Variants in NAA11 observed in about 807,000 individuals in gnomAD.
The protein encoded by NAA11 is N-alpha-acetyltransferase 11, NatA catalytic subunit, also known as N-alpha-acetyltransferase 11.
A neutral mutation model predicts 16.1 loss-of-function variants in NAA11; 15 were observed. The observed-to-expected ratio is 0.93, with a 90% CI of 0.62 to 1.44. NAA11 has a LOEUF of 1.44. Among genes scored for constraint, NAA11 ranks in the 40% most tolerant of loss-of-function variants. The pLI is 0.00. For missense variants in NAA11, 298 were observed against 291.3 expected, an observed-to-expected ratio of 1.02 and a Z score of -0.17; for synonymous variants, 122 against 112.4, an observed-to-expected ratio of 1.09 and a Z score of -0.54.
chr4:79,305,737 T>G (rs1358878387), intron 1 of NAA11, among the ~76,000 whole-genome samples: 2 of 152,200 alleles, frequency 1.3e-5, no homozygotes, highest in Non-Finnish European at 2.9e-5. Context: ...AGCTTTCTCC[T>G]CTTTAATAAG....
chr4:79,210,266 G>T, the NAA11 span, among the ~76,000 whole-genome samples: 1 of 152,118 alleles, frequency 6.6e-6, no homozygotes, highest in Admixed American at 6.5e-5. Flanking sequence ...GGGCGGGGAA[G>T]AATGTCACAA....
the NAA11 span, among the ~76,000 whole-genome samples, chr4:79,217,011 G>C: frequency 6.6e-6 from 1 of 152,330 alleles, no homozygotes; most frequent in South Asian, 2.1e-4. Context: ...ATTAATGACA[G>C]AAAGTTATTT....
downstream of NAA11, among the ~76,000 whole-genome samples, chr4:79,313,841 G>T (rs181360266): frequency 1.8e-4 from 28 of 152,306 alleles, no homozygotes; most frequent in Admixed American, 4.6e-4. Flanking sequence ...ATGGTGATGG[G>T]ATATGAGGAG....
intron 2 of NAA11, among the ~76,000 whole-genome samples, chr4:79,239,284 G>A (rs937971778): frequency 7.9e-5 from 12 of 152,172 alleles, no homozygotes; most frequent in Admixed American, 6.5e-5. Context: ...TGCCTTAAGC[G>A]AGAGATAGCC....
chr4:79,182,842 A>G, the NAA11 span, among the ~76,000 whole-genome samples: 2 of 152,118 alleles, frequency 1.3e-5, no homozygotes, highest in African/African-American at 4.8e-5. Context: ...CTATACTATA[A>G]TCATTTTATT....
chr4:79,249,037 C>T (rs1236520741), intron 2 of NAA11, among the ~76,000 whole-genome samples: 2 of 152,182 alleles, frequency 1.3e-5, no homozygotes, highest in Admixed American at 1.3e-4. Context: ...GGCCAGAGAA[C>T]AAAGCAGGGA....
chr4:79,265,184 T>C lies in NAA11; in HGVS notation c.*122+28821A>G, dbSNP rs1455366158. ...ATTTATCAACAAATCCTATTGGCTT[T>C]ACCTTCAAATCATATTTCAAGTCTC... On this transcript the variant is annotated intron_variant and NMD_transcript_variant, in intron 2 of 2. Coordinates refer to the NAA11 transcript ENST00000511542. Among the ~76,000 whole-genome samples the C allele has an allele frequency of 3.9e-4, 60 of 152,212 alleles. 1 individual carries two copies. The highest frequency in any genetic ancestry group is 2.9e-5 in the Non-Finnish European group (2 of 68,036).
At chr4:79,246,376 C>CT (rs1396080685) in intron 2 of NAA11, among the ~76,000 whole-genome samples, 4 of 114,190 alleles carry the variant, frequency 3.5e-5, no homozygotes, top group African/African-American at 1.5e-4. Context: ...TCAATAAATA[C>CT]TAAAAAAAAA....
At chr4:79,206,352 G>C in the NAA11 span, among the ~76,000 whole-genome samples, 1 of 151,960 alleles carries the variant, frequency 6.6e-6, no homozygotes, top group East Asian at 1.9e-4. Context: ...AAAAAGTAAA[G>C]TAGAGGTTCT....
Position 79,309,443 on chromosome 4 carries a change from AATC to A in NAA11, c.*13-15332_*13-15330del, listed in dbSNP as rs1453435025. 2.6e-5 allele frequency among the ~76,000 whole-genome samples: 4 copies of A among 152,284 alleles called. No homozygotes were observed. The East Asian group carries it at 7.7e-4, about 29-fold the overall frequency. On this transcript the variant is annotated intron_variant and NMD_transcript_variant, in intron 1 of 2. Transcript: ENST00000511542. ...TTGCAATGCTCAGGATTTCCCTGGT[AATC>A]ATCATGTTTGCTTATTGTTTGCTAT...
chr4:79,156,233 TGGA>T, the NAA11 span, among the ~76,000 whole-genome samples: 1 of 152,030 alleles, frequency 6.6e-6, no homozygotes, highest in Non-Finnish European at 1.5e-5. Flanking sequence ...CTGAAATTGG[TGGA>T]GATGTCAAAA....
chr4:79,175,820 A>C, the NAA11 span, among the ~76,000 whole-genome samples: 1 of 150,844 alleles, frequency 6.6e-6, no homozygotes, highest in African/African-American at 2.4e-5. Flanking sequence ...GCTCCTTTTT[A>C]TACATCTAAT....
chr4:79,226,649 A>AT (rs1721323064), intron 2 of NAA11, among the ~76,000 whole-genome samples: 2 of 139,508 alleles, frequency 1.4e-5, no homozygotes, highest in East Asian at 2.2e-4. Context: ...TCATTGTTCA[A>AT]TTCCCACCTA....
At chr4:79,177,276 T>C in the NAA11 span, among the ~76,000 whole-genome samples, 3 of 151,940 alleles carry the variant, frequency 2.0e-5, no homozygotes, top group African/African-American at 7.3e-5. Flanking sequence ...CTCTTCCCTT[T>C]GGGAGCATCT....
intron 1 of NAA11, among the ~76,000 whole-genome samples, chr4:79,301,570 T>C (rs1323646682): frequency 6.6e-6 from 1 of 152,224 alleles, no homozygotes; most frequent in Non-Finnish European, 1.5e-5. Context: ...TTCTTGGTGA[T>C]AGAATCCACT....
At chr4:79,260,997 T>C (rs536224177) in intron 2 of NAA11, among the ~76,000 whole-genome samples, 47 of 152,348 alleles carry the variant, frequency 3.1e-4, no homozygotes, top group African/African-American at 1.1e-3. Flanking sequence ...TGTCATTTTT[T>C]AGAACTATAT....
At chr4:79,204,046 CT>C in the NAA11 span, among the ~76,000 whole-genome samples, 11 of 151,840 alleles carry the variant, frequency 7.2e-5, no homozygotes, top group Non-Finnish European at 5.9e-5. Context: ...GTCTCAAGCA[CT>C]GCTACTGAGT....
In NAA11 at chr4:79,325,745, C is replaced by G; in HGVS notation, c.133G>C (p.Ala45Pro). 6.2e-7 allele frequency: 1 copy of G among 1,614,100 alleles called. No homozygotes were observed. The highest frequency in any genetic ancestry group is 8.5e-7 in the Non-Finnish European group (1 of 1,180,026). Residue 45 changes from alanine (A) to proline (P), a missense_variant, in exon 1 of 2, where the codon GCT (alanine) becomes CCT (proline). By Grantham distance (27) the Ala-to-Pro change is conservative (BLOSUM62 -1). Transcript: ENST00000286794. ...GLSWPQLSYI[A>P]EDEDGKIVGY... ...ACAATCTTCCCGTCCTCATCCTCAG[C>G]GATGTAAGAAAGCTGGGGCCAGGAA...
the NAA11 span, among the ~76,000 whole-genome samples, chr4:79,174,331 C>G: frequency 6.6e-6 from 1 of 151,996 alleles, no homozygotes; most frequent in Admixed American, 6.6e-5. Flanking sequence ...ATTTCTGATG[C>G]TAAAGTATTA....
Sources: allele counts gnomAD v4.1 joint callset (sites outside exome capture counted in the v4.1 genomes callset), GRCh38; gene constraint gnomAD v4.1.1; transcripts MANE v1.5; gene names NCBI Gene and HGNC (gene_info 2026-07-23, HGNC 2026-07-21).